MFAP3L: variants seen among roughly 807,000 people sequenced by gnomAD.
MFAP3L encodes microfibrillar-associated protein 3-like.
In MFAP3L, 5 loss-of-function variants were observed where a neutral mutation model predicts 20.0. The ratio of observed to expected loss-of-function variants is 0.25; its 90% CI spans 0.13 to 0.53. The LOEUF is 0.53. Ranked by LOEUF, MFAP3L falls within the 20% of genes least tolerant of loss-of-function variation. The pLI is 0.96. For missense variants in MFAP3L, 409 were observed against 527.5 expected (o/e 0.78, Z 2.20); for synonymous variants, 219 against 213.0 (o/e 1.03, Z -0.25).
At chr4:170,017,760 G>A (rs564739161) in intron 1 of MFAP3L, among the ~76,000 whole-genome samples, 62 of 152,262 alleles carry the variant, frequency 4.1e-4, no homozygotes, top group African/African-American at 1.4e-3. Flanking sequence ...TCACAACACG[G>A]CAAATTGTTG....
intron 2 of MFAP3L, among the ~76,000 whole-genome samples, chr4:170,000,782 T>C (rs1738557239): frequency 6.6e-6 from 1 of 152,188 alleles, no homozygotes. Flanking sequence ...GAAAGCAGTA[T>C]TGTGATCAAG....
At chr4:169,994,928 G>T (rs1019260286) in intron 2 of MFAP3L, 1 of 152,294 alleles carries the variant, frequency 6.6e-6, no homozygotes, top group African/African-American at 2.4e-5. Context: ...TATGACAAAT[G>T]TGAGTGCATA....
chr4:169,997,692 C>T, intron 2 of MFAP3L: 1 of 984,976 alleles, frequency 1.0e-6, no homozygotes, highest in South Asian at 4.7e-5. Flanking sequence ...GGCTGCCTGG[C>T]TGGGTAGGTA....
intron 1 of MFAP3L, among the ~76,000 whole-genome samples, chr4:170,022,391 T>C (rs1581530632): frequency 6.6e-6 from 1 of 152,196 alleles, no homozygotes. Context: ...TGGTTTCCCA[T>C]ATTTTCTCTA....
intron 2 of MFAP3L, chr4:169,997,665 T>C (rs2110948807): frequency 2.1e-6 from 2 of 967,490 alleles, no homozygotes; most frequent in Non-Finnish European, 2.5e-6. Context: ...GTGACATTGT[T>C]GGCAGTGGAA....
intron 2 of MFAP3L, among the ~76,000 whole-genome samples, chr4:170,004,418 T>C (rs543347453): frequency 6.6e-6 from 1 of 152,354 alleles, no homozygotes; most frequent in South Asian, 2.1e-4. Context: ...ATATTTTGAC[T>C]TAAAGGAAGA....
chr4:169,994,385 C>T, intron 2 of MFAP3L: 1 of 984,958 alleles, frequency 1.0e-6, no homozygotes, highest in Non-Finnish European at 1.2e-6. Flanking sequence ...AGAACACTAA[C>T]AAGACAGGCA....
chr4:169,993,958 T>A (rs1189301643), intron 2 of MFAP3L, among the ~76,000 whole-genome samples: 1 of 152,076 alleles, frequency 6.6e-6, no homozygotes, highest in East Asian at 1.9e-4. Flanking sequence ...AATACTTTCA[T>A]CCCATGAACA....
At position 170,003,638 on chromosome 4, in the gene MFAP3L, C is replaced by G. The variant is rs183336450; in HGVS notation, c.298+1942G>C. 108 of 976,008 alleles carry G rather than the reference C, an allele frequency of 1.1e-4. 1 individual carries two copies. The highest frequency in any genetic ancestry group is 1.3e-5 in the Non-Finnish European group (11 of 821,362). The allele number at this position is 976,008 out of a possible 1,614,324, so 60.5% of individuals were successfully genotyped here. A position where few individuals can be genotyped will look rare whatever the true frequency, so the allele number is the denominator to read the frequency against. On this transcript the variant is annotated intron_variant, in intron 2 of 2. Transcript: ENST00000361618. ...CTCTCTAGGACTGAGGAGTTCAGTG[C>G]CCCAACCCAGCTTTTTAATACCCAG...
At chr4:170,012,149 GT>G (rs1739423917) in intron 1 of MFAP3L, among the ~76,000 whole-genome samples, 1 of 152,200 alleles carries the variant, frequency 6.6e-6, no homozygotes, top group East Asian at 1.9e-4. Flanking sequence ...TGGCTGCGAT[GT>G]AGACCTGGCT....
intron 2 of MFAP3L, among the ~76,000 whole-genome samples, chr4:169,996,762 G>A (rs990211358): frequency 1.3e-5 from 2 of 152,128 alleles, no homozygotes; most frequent in Non-Finnish European, 2.9e-5. Flanking sequence ...TATCTATCCT[G>A]CAGGAGACCT....
Position 169,987,253 on chromosome 4 carries a change from T to C in MFAP3L, c.*4125A>G, listed in dbSNP as rs1737340794. 6.6e-6 allele frequency: 1 copy of C among 152,220 alleles called. No homozygotes were observed. The highest frequency in any genetic ancestry group is 6.5e-5 in the Admixed American group (1 of 15,274). 9.4% of individuals were successfully genotyped at this position (152,220 alleles called of 1,614,324 possible). ...ACTGTGCTATTTACTGAAGGATTTTTTAAAATGACCAGTATCTTGATGCTC... is the reference window on the plus strand; with the variant it reads ...ACTGTGCTATTTACTGAAGGATTTTCTAAAATGACCAGTATCTTGATGCTC... On this transcript the variant is annotated 3_prime_UTR_variant, in exon 3 of 3. Transcript: ENST00000361618.
rs1431141592 is a variant in MFAP3L at position 169,992,534 on chromosome 4, G to T, written c.299-225C>A. Among the ~76,000 whole-genome samples the T allele has an allele frequency of 6.6e-6, 1 of 152,200 alleles. No individual in the cohort carries two copies. The highest frequency in any genetic ancestry group is 2.4e-5 in the African/African-American group (1 of 41,454). On this transcript the variant is annotated intron_variant, in intron 2 of 2. Coordinates refer to ENST00000361618, the MANE Select transcript of MFAP3L (RefSeq NM_021647.8). The surrounding 1 kb of genome is among the most constrained non-coding windows in gnomAD (Gnocchi z 4.3). Reference sequence around the variant, plus strand: ...CCCCTGACACTGCCTCCGTTTTACAGGATGAGGAAACTGAGGCACAGTCAG... The same window carrying T: ...CCCCTGACACTGCCTCCGTTTTACATGATGAGGAAACTGAGGCACAGTCAG...
chr4:169,998,244 TGA>T (rs1408230041), intron 2 of MFAP3L, among the ~76,000 whole-genome samples: 1 of 152,228 alleles, frequency 6.6e-6, no homozygotes, highest in Admixed American at 6.5e-5. Context: ...CATCTGGCAA[TGA>T]GAGAACAGAT....
intron 1 of MFAP3L, among the ~76,000 whole-genome samples, chr4:170,016,885 G>A (rs897316918): frequency 2.0e-5 from 3 of 152,200 alleles, no homozygotes; most frequent in African/African-American, 7.2e-5. Context: ...TGAGAGGCTG[G>A]TGATAAAGAC....
intron 1 of MFAP3L, among the ~76,000 whole-genome samples, chr4:170,025,785 C>A (rs1740317225): frequency 6.6e-6 from 1 of 152,168 alleles, no homozygotes; most frequent in Non-Finnish European, 1.5e-5. Context: ...CGACGCGGAA[C>A]CCGCATTCAC....
chr4:169,998,070 T>C (rs1052066795), intron 2 of MFAP3L, among the ~76,000 whole-genome samples: 1 of 152,214 alleles, frequency 6.6e-6, no homozygotes, highest in Admixed American at 6.5e-5. Flanking sequence ...CCCAGGGACA[T>C]AGTTCAGAGC....
At chr4:170,005,422 T>C (rs1238712567) in intron 2 of MFAP3L, 158 bp downstream of exon 2, 4 of 844,912 alleles carry the variant, frequency 4.7e-6, no homozygotes, top group Admixed American at 2.6e-5. Flanking sequence ...AATTGCTTCT[T>C]TGAATCCTTA....
intron 2 of MFAP3L, chr4:169,997,605 T>A (rs888796436): frequency 2.0e-5 from 11 of 553,236 alleles, no homozygotes; most frequent in Non-Finnish European, 2.5e-5. Context: ...CAGTCATTTT[T>A]AAAACAACTT....
Sources: gnomAD v4.1 joint callset for allele counts (sites outside exome capture counted in the v4.1 genomes callset) on GRCh38, gnomAD v4.1.1 for gene constraint, Gnocchi (gnomAD v3.1) non-coding constraint, MANE v1.5 for transcripts, NCBI Gene and HGNC (gene_info 2026-07-23, HGNC 2026-07-21) for gene names.